Variants in TMOD1 observed in about 807,000 individuals in gnomAD.
The protein encoded by TMOD1 is tropomodulin 1.
Under a neutral mutation model 40.6 loss-of-function variants are expected in TMOD1, and 17 were observed. That is an observed-to-expected ratio of 0.42 (90% CI 0.29 to 0.63). The LOEUF is 0.63. TMOD1 is among the 20% of genes least tolerant of loss of function. TMOD1 has a pLI of 0.22. For missense variants in TMOD1, 391 were observed against 447.6 expected (o/e 0.87, Z 1.14); for synonymous variants, 181 against 175.0 (o/e 1.03, Z -0.27).
At chr9:97,514,275 CTT>C (rs71369513) in intron 1 of TMOD1, among the ~76,000 whole-genome samples, 33 of 121,788 alleles carry the variant, frequency 2.7e-4, no homozygotes, top group Admixed American at 4.2e-4. Flanking sequence ...TTTTCTTTTT[CTT>C]TTTTTTTTTT....
chr9:97,518,842 A>G (rs1037682523), intron 1 of TMOD1, among the ~76,000 whole-genome samples: 1 of 152,214 alleles, frequency 6.6e-6, no homozygotes, highest in South Asian at 2.1e-4. Flanking sequence ...AATTTAGTGT[A>G]GAGGGAACCT....
At chr9:97,515,430 C>A (rs1829789745) in intron 1 of TMOD1, among the ~76,000 whole-genome samples, 1 of 152,122 alleles carries the variant, frequency 6.6e-6, no homozygotes, top group Non-Finnish European at 1.5e-5. Flanking sequence ...CAGGCACACA[C>A]CACCATGCCT....
chr9:97,587,025 C>T (rs1490020949), intron 8 of TMOD1, among the ~76,000 whole-genome samples: 2 of 152,216 alleles, frequency 1.3e-5, no homozygotes, highest in Non-Finnish European at 2.9e-5. Context: ...CATCTTGGCT[C>T]CTCCCCACCA....
intron 3 of TMOD1, among the ~76,000 whole-genome samples, chr9:97,551,010 A>AT (rs1830442594): frequency 2.4e-5 from 1 of 42,228 alleles, no homozygotes; most frequent in East Asian, 5.3e-4. Context: ...ATATATATAT[A>AT]TATATTTTTT....
intron 1 of TMOD1, among the ~76,000 whole-genome samples, chr9:97,521,336 C>A (rs993594704): frequency 6.6e-6 from 1 of 152,172 alleles, no homozygotes; most frequent in Admixed American, 6.5e-5. Context: ...TCCTAGGGAA[C>A]TTCATATAAC....
In TMOD1 at chr9:97,553,403, A is replaced by G. The variant is rs1355133499; in HGVS notation, c.397+3A>G. The G allele has an allele frequency of 3.7e-6, 6 of 1,614,082 alleles. No individual in the cohort carries two copies. In the African/African-American group the frequency reaches 8.0e-5, roughly 22 times the overall value. ...TGCAGAACTCTGTGACATTGCAGGT[A>G]AGAGGCGTTCCAGGAGCTTTCCACA... On this transcript the variant is annotated splice_donor_region_variant and intron_variant, in intron 4 of 9. Coordinates refer to ENST00000259365, the MANE Select transcript of TMOD1 (RefSeq NM_003275.4).
At chr9:97,552,755 C>A (rs949834568) in intron 3 of TMOD1, among the ~76,000 whole-genome samples, 1 of 152,184 alleles carries the variant, frequency 6.6e-6, no homozygotes, top group African/African-American at 2.4e-5. Context: ...TTCACCAGTT[C>A]CTATGGGTGG....
chr9:97,598,508 T>C (rs1037460339), intron 9 of TMOD1, among the ~76,000 whole-genome samples: 1 of 152,220 alleles, frequency 6.6e-6, no homozygotes, highest in African/African-American at 2.4e-5. Flanking sequence ...TGGGCATGCC[T>C]GCACAGCTAC....
intron 7 of TMOD1, among the ~76,000 whole-genome samples, chr9:97,566,619 C>T (rs188807397): frequency 6.6e-6 from 1 of 151,794 alleles, no homozygotes; most frequent in East Asian, 1.9e-4. Flanking sequence ...TGTAGTGAGC[C>T]GAGATTGCAC....
In TMOD1 at chr9:97,601,033, T is replaced by G. The variant is rs973259739; in HGVS notation, c.*1335T>G. 3.1e-6 allele frequency: 4 copies of G among 1,301,936 alleles called. No homozygotes were observed. The South Asian group carries it at 5.0e-5, about 16-fold the overall frequency. The allele number at this position is 1,301,936 out of a possible 1,614,324, so 80.6% of individuals were successfully genotyped here. A position where few individuals can be genotyped will look rare whatever the true frequency, so the allele number is the denominator to read the frequency against. ...GGCTGGTGATGAAAAGGTGAAGGCC[T>G]GCGCACTGAACTGTAAGGCAGTGGG... On this transcript the variant is annotated 3_prime_UTR_variant, in exon 10 of 10. Coordinates refer to ENST00000259365, the MANE Select transcript of TMOD1 (RefSeq NM_003275.4).
intron 1 of TMOD1, among the ~76,000 whole-genome samples, chr9:97,504,007 G>A (rs930882280): frequency 6.6e-6 from 1 of 152,134 alleles, no homozygotes; most frequent in Non-Finnish European, 1.5e-5. Flanking sequence ...CACTTGCTGT[G>A]GAGAGACAGG....
rs888647858 is a variant in TMOD1, at chr9:97,585,994, T to C, written c.871-5297T>C. 1.1e-3 allele frequency among the ~76,000 whole-genome samples: 163 copies of C among 151,524 alleles called. 1 individual carries two copies. The highest frequency in any genetic ancestry group is 3.9e-3 in the African/African-American group (160 of 41,064). The stretch of plus-strand genomic sequence containing the variant: ...AGTAATTTGATCGTCTGAAGCCTTC[T>C]TCTCTCAGCTCGTGAAAGTCATTCT... On this transcript the variant is annotated intron_variant, in intron 8 of 9. Transcript: ENST00000259365.
At chr9:97,568,713 G>C (rs1830771160) in intron 7 of TMOD1, among the ~76,000 whole-genome samples, 181 bp from the exon 8 acceptor site, 1 of 152,188 alleles carries the variant, frequency 6.6e-6, no homozygotes, top group Non-Finnish European at 1.5e-5. Context: ...ATTCTCCTGT[G>C]GGGGATCAGG....
intron 8 of TMOD1, among the ~76,000 whole-genome samples, chr9:97,574,975 A>G (rs890839152): frequency 6.6e-6 from 1 of 152,154 alleles, no homozygotes; most frequent in African/African-American, 2.4e-5. Context: ...TGTAAAATGG[A>G]CCAATCAGCA....
At chr9:97,551,012 ATATTTTTTTTT>A (rs1168758065) in intron 3 of TMOD1, among the ~76,000 whole-genome samples, 37 of 39,342 alleles carry the variant, frequency 9.4e-4, no homozygotes, top group African/African-American at 5.4e-3. Flanking sequence ...ATATATATAT[ATATTTTTTTTT>A]TTTTTTTTTT....
At chr9:97,520,322 C>T (rs1372669362) in intron 1 of TMOD1, among the ~76,000 whole-genome samples, 2 of 152,152 alleles carry the variant, frequency 1.3e-5, no homozygotes, top group Admixed American at 6.5e-5. Context: ...TCCCTGACAC[C>T]TCTTCTCTTA....
chr9:97,558,669 C>T (rs1460972961), intron 4 of TMOD1, among the ~76,000 whole-genome samples: 1 of 152,160 alleles, frequency 6.6e-6, no homozygotes, highest in Non-Finnish European at 1.5e-5. Flanking sequence ...GTCTTGAACT[C>T]CTGGCCTCAA....
intron 2 of TMOD1, among the ~76,000 whole-genome samples, chr9:97,535,069 A>G (rs1380653350): frequency 6.6e-6 from 1 of 152,100 alleles, no homozygotes; most frequent in East Asian, 1.9e-4. Context: ...GAGAGGTGGG[A>G]GTAGGTTGGA....
intron 3 of TMOD1, among the ~76,000 whole-genome samples, chr9:97,552,494 T>TGCC (rs113138684): frequency 1.3e-5 from 2 of 152,340 alleles, no homozygotes; most frequent in African/African-American, 4.8e-5. Context: ...TTTTGAGGAT[T>TGCC]TTACTCACTG....
Sources: allele counts gnomAD v4.1 joint callset (sites outside exome capture counted in the v4.1 genomes callset), GRCh38; gene constraint gnomAD v4.1.1; transcripts MANE v1.5; gene names NCBI Gene and HGNC (gene_info 2026-07-23, HGNC 2026-07-21).